ADAMTSL1: variants seen among roughly 807,000 people sequenced by gnomAD.
ADAMTSL1 encodes ADAMTS like 1.
ADAMTSL1 carries 126 observed loss-of-function variants against 201.8 expected under a neutral mutation model. The observed-to-expected ratio is 0.62, with a 90% confidence interval of 0.54 to 0.72. The LOEUF is 0.72. Ranked by LOEUF, ADAMTSL1 falls within the 30% of genes least tolerant of loss-of-function variation. The probability of loss-of-function intolerance (pLI) is 0.00; values close to 1 mark genes in which losing one functional copy is unlikely to be tolerated. For missense variants in ADAMTSL1, 2,679 were observed against 2,277.8 expected (o/e 1.18, Z -3.59); for synonymous variants, 1,121 against 903.4 (o/e 1.24, Z -4.32).
At chr9:18,619,418 A>G (rs1825889040) in intron 4 of ADAMTSL1, among the ~76,000 whole-genome samples, 1 of 152,264 alleles carries the variant, frequency 6.6e-6, no homozygotes, top group Middle Eastern at 3.4e-3. Context: ...GGAAGAAAAA[A>G]AAAACAATTG....
rs530841341 is a variant in ADAMTSL1 at position 17,948,353 on chromosome 9, A to G, written c.87+41431A>G. 7.2e-5 allele frequency among the ~76,000 whole-genome samples: 11 copies of G among 152,238 alleles called. No homozygotes were observed. The South Asian group carries it at 1.9e-3, about 26-fold the overall frequency. The stretch of plus-strand genomic sequence containing the variant: ...AAATGTGTGCTTCTCTGCATTTTCC[A>G]TTGCTCCAGTTGACTGGTGAATTAG... On this transcript the variant is annotated intron_variant, in intron 1 of 29. Coordinates refer to the ADAMTSL1 transcript ENST00000680146.
intron 1 of ADAMTSL1, among the ~76,000 whole-genome samples, chr9:18,483,655 A>C (rs574535367): frequency 6.6e-6 from 1 of 152,186 alleles, no homozygotes; most frequent in African/African-American, 2.4e-5. Context: ...GTGAAACCCT[A>C]TCTCTACTAA....
At chr9:18,716,376 C>G (rs1832933074) in intron 14 of ADAMTSL1, among the ~76,000 whole-genome samples, 1 of 151,634 alleles carries the variant, frequency 6.6e-6, no homozygotes, top group Admixed American at 6.6e-5. Flanking sequence ...ACAATGAACT[C>G]AAACAAATTT....
chr9:18,873,959 T>C (rs971873569), intron 23 of ADAMTSL1, among the ~76,000 whole-genome samples: 4 of 152,160 alleles, frequency 2.6e-5, no homozygotes, highest in African/African-American at 9.6e-5. Flanking sequence ...GTGTCGTCTA[T>C]GATTTTTTCA....
intron 13 of ADAMTSL1, 126 bp from the exon 14 acceptor site, chr9:18,706,621 G>A (rs1340046319): frequency 3.3e-6 from 3 of 921,330 alleles, no homozygotes; most frequent in Non-Finnish European, 4.8e-6. Flanking sequence ...ACAGGGTGGA[G>A]GAGCCCTGAG....
At chr9:17,981,840 A>T (rs1028656313) in intron 1 of ADAMTSL1, among the ~76,000 whole-genome samples, 2 of 152,138 alleles carry the variant, frequency 1.3e-5, no homozygotes, top group African/African-American at 4.8e-5. Context: ...GGGTGAAAAA[A>T]GTGCTTAGTT....
rs577698814 is a variant in ADAMTSL1 at position 18,113,930 on chromosome 9, G to C, written c.88-49932G>C. 2.0e-5 allele frequency among the ~76,000 whole-genome samples: 3 copies of C among 152,246 alleles called. No individual in the cohort carries two copies. The East Asian group carries it at 5.8e-4, about 29-fold the overall frequency. ...CAACTTTCTCAAAGTCATATAGGTA[G>C]AGAGTAGTGAAGGGTAAAGCTGGGA... On this transcript the variant is annotated intron_variant, in intron 1 of 29. Coordinates refer to the ADAMTSL1 transcript ENST00000680146.
intron 1 of ADAMTSL1, among the ~76,000 whole-genome samples, chr9:18,488,219 T>C (rs1477102080): frequency 6.6e-6 from 1 of 152,178 alleles, no homozygotes; most frequent in African/African-American, 2.4e-5. Flanking sequence ...AGTCTGTATG[T>C]TTGTCTTACC....
Position 18,503,421 on chromosome 9 carries a change from G to GTATATA in ADAMTSL1, c.64-1393_64-1388dup, listed in dbSNP as rs10673652. 4.2e-3 allele frequency among the ~76,000 whole-genome samples: 484 copies of GTATATA among 115,268 alleles called. 18 individuals are homozygous for GTATATA. Among genetic ancestry groups the GTATATA allele is most frequent in the African/African-American group, 0.013 (434 of 32,576 alleles). The allele number at this position is 115,268 out of a possible 152,430, so 75.6% of individuals were successfully genotyped here. A position where few individuals can be genotyped will look rare whatever the true frequency, so the allele number is the denominator to read the frequency against. On this transcript the variant is annotated intron_variant, in intron 1 of 28. Coordinates refer to ENST00000380548, the MANE Select transcript of ADAMTSL1 (RefSeq NM_001040272.6). ...TTAAGGCTGAATAGTATTCCATTGT[G>GTATATA]TATATATATATATATATATACCACA...
rs191779622 is a variant in ADAMTSL1 at position 18,837,771 on chromosome 9, G to A, written c.4249+7794G>A. On this transcript the variant is annotated intron_variant, in intron 23 of 28. Coordinates refer to ENST00000380548, the MANE Select transcript of ADAMTSL1 (RefSeq NM_001040272.6). Reference sequence around the variant, plus strand: ...ACAGCAGAATTGAGTACGTGTGACAGGCACCATGTGGCCCAAAAACCTAAA... The same window carrying A: ...ACAGCAGAATTGAGTACGTGTGACAAGCACCATGTGGCCCAAAAACCTAAA... Among the ~76,000 whole-genome samples the A allele has an allele frequency of 4.0e-3, 615 of 152,332 alleles. 6 individuals carry two copies. Among genetic ancestry groups the A allele is most frequent in the African/African-American group, 0.014 (569 of 41,566 alleles).
chr9:18,454,789 T>C (rs1820540932), intron 2 of ADAMTSL1, among the ~76,000 whole-genome samples: 1 of 152,236 alleles, frequency 6.6e-6, no homozygotes, highest in African/African-American at 2.4e-5. Context: ...AATTATTTTA[T>C]ATCAAAAATG....
intron 1 of ADAMTSL1, among the ~76,000 whole-genome samples, chr9:17,941,567 T>C (rs1308349184): frequency 6.6e-6 from 1 of 152,184 alleles, no homozygotes; most frequent in Non-Finnish European, 1.5e-5. Flanking sequence ...ATCCTATAAA[T>C]TGACTCTCCT....
chr9:18,207,671 G>A (rs1262597749), intron 2 of ADAMTSL1, among the ~76,000 whole-genome samples: 1 of 152,090 alleles, frequency 6.6e-6, no homozygotes, highest in African/African-American at 2.4e-5. Context: ...GTAACATGCG[G>A]TTCATATGTT....
At chr9:18,086,705 C>G (rs889834771) in intron 1 of ADAMTSL1, among the ~76,000 whole-genome samples, 2 of 152,142 alleles carry the variant, frequency 1.3e-5, no homozygotes, top group East Asian at 1.9e-4. Flanking sequence ...CTTTAGAAAG[C>G]ATTTAAATGA....
chr9:18,723,164 T>G, intron 15 of ADAMTSL1: 1 of 718,568 alleles, frequency 1.4e-6, no homozygotes, highest in Non-Finnish European at 2.6e-6. Context: ...CAAAGTGAAC[T>G]GGTTGTACCT....
intron 28 of ADAMTSL1, chr9:18,907,924 A>G (rs2131632307): frequency 5.6e-6 from 1 of 179,632 alleles, no homozygotes; most frequent in Non-Finnish European, 1.2e-5. Context: ...GCACATGAAA[A>G]TAAAGCTTAA....
chr9:18,721,788 T>C, intron 15 of ADAMTSL1, 123 bp downstream of exon 15: 1 of 1,414,376 alleles, frequency 7.1e-7, no homozygotes, highest in Non-Finnish European at 9.4e-7. Context: ...TAGCATCAGT[T>C]CAAACTTTTA....
At position 18,288,208 on chromosome 9, in the gene ADAMTSL1, C is replaced by G. The variant is rs148719742; in HGVS notation, c.207+124227C>G. On this transcript the variant is annotated intron_variant, in intron 2 of 29. Transcript: ENST00000680146. The stretch of plus-strand genomic sequence containing the variant: ...CTGCTGGCCAGTATAAACAGACCAA[C>G]GAGAACGCATACACTGGAAATTAAG... 4.1e-3 allele frequency among the ~76,000 whole-genome samples: 620 copies of G among 152,110 alleles called. 4 individuals are homozygous for G. The highest frequency in any genetic ancestry group is 0.014 in the African/African-American group (585 of 41,488).
In ADAMTSL1 at chr9:18,657,715, C is replaced by A. The variant is rs561847044; in HGVS notation, c.911C>A (p.Thr304Lys). The change falls in exon 8 of 29, where the codon ACG becomes AAG. Residue 304 changes from threonine to lysine, a missense_variant. By Grantham distance (78) the Thr-to-Lys change is moderately conservative (BLOSUM62 -1). Transcript: ENST00000380548. ...CCCATCATCCACCGATGGAGGGAGA[C>A]GGATTTCTTTCCTTGCTCAGCAACC... ...YQPIIHRWRE[T>K]DFFPCSATCG... is the part of the protein sequence containing the mutation. 6.2e-7 allele frequency: 1 copy of A among 1,614,128 alleles called. No homozygotes were observed. The highest frequency in any genetic ancestry group is 2.2e-5 in the East Asian group (1 of 44,886).
Sources: gnomAD v4.1 joint callset for allele counts (sites outside exome capture counted in the v4.1 genomes callset) on GRCh38, gnomAD v4.1.1 for gene constraint, MANE v1.5 for transcripts, NCBI Gene and HGNC (gene_info 2026-07-23, HGNC 2026-07-21) for gene names.